The following MBNL3 variants were observed in gnomAD, a reference collection of about 807,000 sequenced individuals.
The protein encoded by MBNL3 is muscleblind-like protein 3.
Under a neutral mutation model 24.5 loss-of-function variants are expected in MBNL3, and 6 were observed. The observed-to-expected ratio is 0.25, with a 90% CI of 0.13 to 0.48. The LOEUF is 0.48. MBNL3 is among the 20% of genes least tolerant of loss of function. The pLI is 0.99. For missense variants in MBNL3, 230 were observed against 293.5 expected (o/e 0.78, Z 1.58); for synonymous variants, 100 against 101.7 (o/e 0.98, Z 0.10).
At chrX:132,447,939 T>A (rs1171732139) in intron 1 of MBNL3, among the ~76,000 whole-genome samples, 1 of 112,286 alleles carries the variant, frequency 8.9e-6, no homozygotes, top group Non-Finnish European at 1.9e-5. Flanking sequence ...ATACCTAGGT[T>A]ATTGAGAGTT....
intron 5 of MBNL3, among the ~76,000 whole-genome samples, chrX:132,390,334 C>T: frequency 9.3e-6 from 1 of 107,960 alleles, no homozygotes; most frequent in South Asian, 4.2e-4. Context: ...AAATTTCCCC[C>T]CAGACTAAGC....
intron 2 of MBNL3, among the ~76,000 whole-genome samples, chrX:132,418,899 G>A (rs1181872682): frequency 2.7e-5 from 3 of 112,103 alleles, no homozygotes; most frequent in African/African-American, 6.5e-5. Context: ...TCAGCGTCCC[G>A]AGTAGCTGGG....
Position 132,377,715 on chromosome X carries a change from A to G in MBNL3, c.*1951T>C, listed in dbSNP as rs1934266867. The G allele has an allele frequency of 9.1e-6, 1 of 110,476 alleles. No individual in the cohort carries two copies. Among genetic ancestry groups the G allele is most frequent in the Non-Finnish European group, 1.9e-5 (1 of 52,781 alleles). The allele number at this position is 110,476 out of a possible 1,213,427, so 9.1% of individuals were successfully genotyped here. ...CTATAAAAAGGATTTTGCTAATTCCATTGTTCTGTGATTCAAACACTTCTA... is the reference window on the plus strand; with the variant it reads ...CTATAAAAAGGATTTTGCTAATTCCGTTGTTCTGTGATTCAAACACTTCTA... On this transcript the variant is annotated 3_prime_UTR_variant, in exon 9 of 9. Transcript: ENST00000370853.
intron 2 of MBNL3, among the ~76,000 whole-genome samples, chrX:132,423,218 A>C (rs1943984666): frequency 8.9e-6 from 1 of 111,805 alleles, no homozygotes; most frequent in African/African-American, 3.3e-5. Flanking sequence ...AAGTAGGGCT[A>C]TTAGTTATGA....
At chrX:132,434,200 G>A (rs1186502653) in intron 2 of MBNL3, among the ~76,000 whole-genome samples, 3 of 112,178 alleles carry the variant, frequency 2.7e-5, no homozygotes, top group Non-Finnish European at 5.6e-5. Context: ...TATATGATAG[G>A]CACACACATA....
intron 1 of MBNL3, among the ~76,000 whole-genome samples, chrX:132,447,647 T>G (rs1389352287): frequency 1.8e-5 from 2 of 112,036 alleles, no homozygotes; most frequent in Non-Finnish European, 3.8e-5. Flanking sequence ...TTAAGGAGAT[T>G]TTGGGCTGAG....
At chrX:132,389,341 C>T (rs1161776545) in intron 5 of MBNL3, among the ~76,000 whole-genome samples, 1 of 111,707 alleles carries the variant, frequency 9.0e-6, no homozygotes, top group African/African-American at 3.3e-5. Context: ...CATAAACTAC[C>T]AGGAAAAGGG....
chrX:132,399,256 G>A (rs1476545821), intron 3 of MBNL3, among the ~76,000 whole-genome samples: 1 of 111,382 alleles, frequency 9.0e-6, no homozygotes. Context: ...TAGGCAGATG[G>A]CTAGTCCTAA....
chrX:132,432,602 T>C (rs1190672404), intron 2 of MBNL3: 1 of 111,713 alleles, frequency 9.0e-6, no homozygotes, highest in Non-Finnish European at 1.9e-5. Flanking sequence ...ATGTGACCTT[T>C]TATGTCTGGC....
rs1933824210 is a variant in MBNL3, at chrX:132,373,493, C to T, written c.*6173G>A. 9.0e-6 allele frequency: 1 copy of T among 111,631 alleles called. No individual in the cohort carries two copies. The allele number at this position is 111,631 out of a possible 1,213,427, so 9.2% of individuals were successfully genotyped here. On this transcript the variant is annotated 3_prime_UTR_variant, in exon 9 of 9. Coordinates refer to ENST00000370853, the MANE Select transcript of MBNL3 (RefSeq NM_001386889.1). ...TGAGGGAAAAGAAAATTCTAGCCAA[C>T]TGGCCCTGAGGTATTGGACAACTGT...
chrX:132,443,692 G>A (rs189232817), intron 1 of MBNL3, among the ~76,000 whole-genome samples: 1 of 111,287 alleles, frequency 9.0e-6, no homozygotes, highest in Non-Finnish European at 1.9e-5. Context: ...TCTGACTTCA[G>A]TACAAACTTC....
intron 5 of MBNL3, among the ~76,000 whole-genome samples, chrX:132,387,448 A>G (rs1603067707): frequency 9.0e-6 from 1 of 111,095 alleles, no homozygotes; most frequent in African/African-American, 3.3e-5. Flanking sequence ...TCTCAGGGAT[A>G]CTCATCTATG....
At chrX:132,427,086 G>A (rs1944365024) in intron 2 of MBNL3, among the ~76,000 whole-genome samples, 1 of 111,765 alleles carries the variant, frequency 8.9e-6, no homozygotes, top group Non-Finnish European at 1.9e-5. Context: ...AGGAGCCCTT[G>A]TTAGAACTGT....
chrX:132,429,094 A>G (rs1944535327), intron 2 of MBNL3, among the ~76,000 whole-genome samples: 3 of 112,455 alleles, frequency 2.7e-5, no homozygotes, highest in Admixed American at 9.4e-5. Context: ...GTCTTTTCTC[A>G]CCAGATGCCC....
At chrX:132,439,255 T>A (rs758001341) in intron 2 of MBNL3, among the ~76,000 whole-genome samples, 180 bp downstream of exon 2, 7 of 111,968 alleles carry the variant, frequency 6.3e-5, no homozygotes, top group Non-Finnish European at 1.3e-4. Context: ...ACTTAAGACA[T>A]TTTGTCGTTA....
At chrX:132,422,877 G>A (rs1309018796) in intron 2 of MBNL3, among the ~76,000 whole-genome samples, 1 of 112,119 alleles carries the variant, frequency 8.9e-6, no homozygotes, top group African/African-American at 3.2e-5. Context: ...TTCAGTAGGT[G>A]TGGGTGAGGT....
At chrX:132,428,426 C>T (rs1944477437) in intron 2 of MBNL3, among the ~76,000 whole-genome samples, 1 of 109,106 alleles carries the variant, frequency 9.2e-6, no homozygotes, top group African/African-American at 3.3e-5. Flanking sequence ...AGCAATAAAA[C>T]TTGACCCTGG....
At position 132,439,697 on chromosome X, in the gene MBNL3, A is replaced by C; in HGVS notation, c.-86T>G. 1 of 1,065,716 alleles carries C rather than the reference A, an allele frequency of 9.4e-7. No homozygotes were observed. Among genetic ancestry groups the C allele is most frequent in the Non-Finnish European group, 1.2e-6 (1 of 821,873 alleles). 87.8% of individuals were successfully genotyped at this position (1,065,716 alleles called of 1,213,427 possible). ...AAAGGATTAAAAATGAATTCAAACT[A>C]AGTGCGAAGAGATAACAGGTTGCTT... is the stretch of plus-strand genomic sequence containing the variant. On this transcript the variant is annotated 5_prime_UTR_variant, in exon 2 of 9. Transcript: ENST00000370853.
chrX:132,384,552 T>C (rs1215044162), intron 7 of MBNL3, 111 bp downstream of exon 7: 2 of 666,800 alleles, frequency 3.0e-6, no homozygotes, highest in Non-Finnish European at 4.6e-6. Context: ...AACCTTAACA[T>C]ACTCAGAAAA....
Sources: allele counts gnomAD v4.1 joint callset (sites outside exome capture counted in the v4.1 genomes callset), GRCh38; gene constraint gnomAD v4.1.1; transcripts MANE v1.5; gene names NCBI Gene and HGNC (gene_info 2026-07-23, HGNC 2026-07-21).